The following UBAP2L variants were observed in gnomAD, a reference collection of about 807,000 sequenced individuals.
UBAP2L encodes ubiquitin-associated protein 2-like.
Under a neutral mutation model 130.6 loss-of-function variants are expected in UBAP2L, and 12 were observed. That is an observed-to-expected ratio of 0.09 (90% CI 0.06 to 0.15). UBAP2L has a LOEUF of 0.15. Among genes scored for constraint, UBAP2L ranks in the 10% least tolerant of loss-of-function variants. UBAP2L has a pLI of 1.00. For missense variants in UBAP2L, 965 were observed against 1,332.5 expected, an observed-to-expected ratio of 0.72 and a Z score of 4.29; for synonymous variants, 503 against 524.7, an observed-to-expected ratio of 0.96 and a Z score of 0.57.
chr1:154,271,238 A>G (rs1380287816), downstream of UBAP2L: 5 of 323,520 alleles, frequency 1.5e-5, no homozygotes, highest in South Asian at 8.3e-5. Flanking sequence ...AATGCTTTAT[A>G]GAGTTTTAAG....
Position 154,255,169 on chromosome 1 carries a change from G to T in UBAP2L, c.1927G>T (p.Val643Leu). Reference sequence around the variant, plus strand: ...ATTTCTAGGTGCTACAGGCTCTGCAGTGAAATCTGATTCACCTTCCACTTC... The same window carrying T: ...ATTTCTAGGTGCTACAGGCTCTGCATTGAAATCTGATTCACCTTCCACTTC... ...QSVEGATGSAVKSDSPSTSSI... is the reference protein window; with the variant it reads ...QSVEGATGSALKSDSPSTSSI... Residue 643 changes from valine (V) to leucine (L), a missense_variant, in exon 17 of 27, where the codon GTG (valine) becomes TTG (leucine). Coordinates refer to ENST00000428931, the MANE Select transcript of UBAP2L (RefSeq NM_014847.4). 1 of 1,614,060 alleles carries T rather than the reference G, an allele frequency of 6.2e-7. No individual in the cohort carries two copies. The highest frequency in any genetic ancestry group is 8.5e-7 in the Non-Finnish European group (1 of 1,179,954).
intron 1 of UBAP2L, among the ~76,000 whole-genome samples, chr1:154,223,008 C>T (rs534222560): frequency 1.3e-5 from 2 of 152,338 alleles, no homozygotes; most frequent in African/African-American, 4.8e-5. Flanking sequence ...GATTCTTCAT[C>T]TCCAGTGTGA....
chr1:154,241,517 A>G lies in UBAP2L; in HGVS notation c.708A>G (p.Ala236=), dbSNP rs1346113297. The G allele has an allele frequency of 1.2e-6, 2 of 1,614,008 alleles. No homozygotes were observed. Among genetic ancestry groups the G allele is most frequent in the African/African-American group, 1.3e-5 (1 of 75,000 alleles). Residue 236 remains alanine (A), a synonymous_variant, in exon 9 of 27, where the codon GCA becomes GCG. Transcript: ENST00000428931. ...GHFEPDDGTS[A]WRTATEEWGT... ...ACTATTTTTCTTTATTCTCAGGTGCATGGAGGACTGCAACAGAGGAGTGGG... is the reference window on the plus strand; with the variant it reads ...ACTATTTTTCTTTATTCTCAGGTGCGTGGAGGACTGCAACAGAGGAGTGGG...
At chr1:154,255,463 G>C in intron 17 of UBAP2L, 137 bp downstream of exon 17, 1 of 1,268,380 alleles carries the variant, frequency 7.9e-7, no homozygotes. Flanking sequence ...AGAACTGTGG[G>C]AAGTGAAGAC....
chr1:154,226,061 G>A (rs1667840578), intron 2 of UBAP2L, among the ~76,000 whole-genome samples: 1 of 152,196 alleles, frequency 6.6e-6, no homozygotes, highest in South Asian at 2.1e-4. Flanking sequence ...TGATCCACCT[G>A]CCTCGGCCTC....
rs1420133541 is a variant in UBAP2L, at chr1:154,237,089, G to A, written c.656G>A (p.Gly219Asp). The A allele has an allele frequency of 2.5e-6, 4 of 1,614,170 alleles. No homozygotes were observed. Among genetic ancestry groups the A allele is most frequent in the Non-Finnish European group, 2.5e-6 (3 of 1,180,018 alleles). Residue 219 changes from glycine to aspartate, a missense_variant, in exon 8 of 27, where the codon GGC (glycine) becomes GAC (aspartate). Physicochemically the swap from Gly to Asp is moderately conservative, Grantham distance 94. Transcript: ENST00000428931. ...GATGATAACTATGGCAATAGCAGCG[G>A]CAATACGTGGAACAACACTGGCCAC... is the stretch of plus-strand genomic sequence containing the variant. ...NTDDNYGNSSGNTWNNTGHFE... is the reference protein window; with the variant it reads ...NTDDNYGNSSDNTWNNTGHFE...
chr1:154,257,197 C>T lies in UBAP2L; in HGVS notation c.2292C>T (p.Leu764=). 6.2e-7 allele frequency: 1 copy of T among 1,614,236 alleles called. No homozygotes were observed. Among genetic ancestry groups the T allele is most frequent in the East Asian group, 2.2e-5 (1 of 44,890 alleles). The change falls in exon 19 of 27, where the codon CTC becomes CTT. Residue 764 remains leucine (L), a synonymous_variant. Coordinates refer to ENST00000428931, the MANE Select transcript of UBAP2L (RefSeq NM_014847.4). ...SSLNSGSSLG[L]SLGSNSTVTA... ...TCAATAGTGGCAGTAGCCTGGGCCTCAGCCTAGGCAGCAACTCCACTGTCA... is the reference window on the plus strand; with the variant it reads ...TCAATAGTGGCAGTAGCCTGGGCCTTAGCCTAGGCAGCAACTCCACTGTCA...
rs1399967161 is a variant in UBAP2L, at chr1:154,270,601, G to A, written c.*306G>A. Reference sequence around the variant, plus strand: ...CCTTTGCTTCCTCCTGTTCACCCTGGTGGTGTACGGATGAGGCGGGGAGGT... The same window carrying A: ...CCTTTGCTTCCTCCTGTTCACCCTGATGGTGTACGGATGAGGCGGGGAGGT... On this transcript the variant is annotated 3_prime_UTR_variant, in exon 27 of 27. Transcript: ENST00000428931. The A allele has an allele frequency of 7.1e-7, 1 of 1,416,322 alleles. No homozygotes were observed. The highest frequency in any genetic ancestry group is 9.2e-7 in the Non-Finnish European group (1 of 1,090,622). The allele number at this position is 1,416,322 out of a possible 1,614,324, so 87.7% of individuals were successfully genotyped here.
At position 154,247,278 on chromosome 1, in the gene UBAP2L, G is replaced by T. The variant is rs142022258; in HGVS notation, c.1014+903G>T. Among the ~76,000 whole-genome samples, 924 of 152,228 alleles carry T rather than the reference G, an allele frequency of 6.1e-3. 2 individuals carry two copies. Among genetic ancestry groups the T allele is most frequent in the Non-Finnish European group, 7.8e-3 (528 of 68,008 alleles). ...TAATTGTTGTCTTAAAATGTTTTTT[G>T]TGTGTGTTAAGTTAGTAATTTGGTG... is the stretch of plus-strand genomic sequence containing the variant. On this transcript the variant is annotated intron_variant, in intron 11 of 26. Coordinates refer to ENST00000428931, the MANE Select transcript of UBAP2L (RefSeq NM_014847.4).
At chr1:154,254,387 G>A (rs1184756440) in intron 15 of UBAP2L, among the ~76,000 whole-genome samples, 3 of 152,174 alleles carry the variant, frequency 2.0e-5, no homozygotes, top group Non-Finnish European at 2.9e-5. Flanking sequence ...TTCTGGGTGC[G>A]TGTCAGTAGA....
At chr1:154,237,310 C>T (rs1223799024) in intron 8 of UBAP2L, among the ~76,000 whole-genome samples, 174 bp downstream of exon 8, 1 of 152,172 alleles carries the variant, frequency 6.6e-6, no homozygotes, top group Non-Finnish European at 1.5e-5. Flanking sequence ...CATATGGGCA[C>T]ATTACACATG....
In UBAP2L at chr1:154,246,190, C is replaced by G; in HGVS notation, c.843-14C>G. The G allele has an allele frequency of 6.3e-7, 1 of 1,594,064 alleles. No individual in the cohort carries two copies. The highest frequency in any genetic ancestry group is 2.3e-5 in the East Asian group (1 of 44,418). ...CAGTCATTCTTCATGAAGATCCCTT[C>G]CCTTCCCCATTAGAATTGACCTTGC... On this transcript the variant is annotated splice_polypyrimidine_tract_variant and intron_variant, in intron 10 of 26. Coordinates refer to ENST00000428931, the MANE Select transcript of UBAP2L (RefSeq NM_014847.4).
intron 1 of UBAP2L, among the ~76,000 whole-genome samples, chr1:154,223,283 C>G (rs890259424): frequency 5.3e-5 from 8 of 152,086 alleles, no homozygotes; most frequent in African/African-American, 1.9e-4. Context: ...TAGTGTATAG[C>G]TAGTCATGCA....
chr1:154,234,908 C>A, intron 5 of UBAP2L, 149 bp downstream of exon 5: 1 of 1,071,608 alleles, frequency 9.3e-7, no homozygotes, highest in Non-Finnish European at 1.3e-6. Flanking sequence ...CTTGACATCT[C>A]TTGCATGTGG....
intron 26 of UBAP2L, 90 bp downstream of exon 26, chr1:154,269,044 C>A: frequency 6.9e-7 from 1 of 1,453,164 alleles, no homozygotes; most frequent in Non-Finnish European, 9.4e-7. Context: ...CCCTTCCTCA[C>A]CACCACCTTC....
rs751854018 is a variant in UBAP2L, at chr1:154,235,277, G to A, written c.530G>A (p.Arg177His). The A allele has an allele frequency of 3.9e-6, 3 of 778,082 alleles. No individual in the cohort carries two copies. Among genetic ancestry groups the A allele is most frequent in the Admixed American group, 1.7e-5 (1 of 58,232 alleles). The allele number at this position is 778,082 out of a possible 1,614,324, so 48.2% of individuals were successfully genotyped here. Residue 177 changes from arginine to histidine, a missense_variant, in exon 6 of 27, where the codon CGT becomes CAT. Coordinates refer to ENST00000428931, the MANE Select transcript of UBAP2L (RefSeq NM_014847.4). ...GRGTERGRRGRGRGRGGSGRR... is the reference protein window; with the variant it reads ...GRGTERGRRGHGRGRGGSGRR... Reference sequence around the variant, plus strand: ...GGAACAGAAAGAGGCAGAAGGGGCCGTGGCCGAGGCAGAGGTGATCAGTTT... The same window carrying A: ...GGAACAGAAAGAGGCAGAAGGGGCCATGGCCGAGGCAGAGGTGATCAGTTT...
intron 4 of UBAP2L, 125 bp from the exon 5 acceptor site, chr1:154,234,466 G>A (rs1670964827): frequency 5.5e-6 from 5 of 916,562 alleles, no homozygotes; most frequent in South Asian, 1.6e-5. Context: ...GCAAACTAAT[G>A]GAAGTGTTTT....
intron 10 of UBAP2L, among the ~76,000 whole-genome samples, chr1:154,245,691 G>A (rs766444629): frequency 8.5e-5 from 13 of 152,058 alleles, no homozygotes; most frequent in Admixed American, 7.9e-4. Context: ...CAAGGCGGGC[G>A]GATCATGAGG....
At chr1:154,266,327 G>T in intron 24 of UBAP2L, 174 bp from the exon 25 acceptor site, 1 of 693,434 alleles carries the variant, frequency 1.4e-6, no homozygotes, top group Non-Finnish European at 2.6e-6. Flanking sequence ...AGAACCCTTA[G>T]GGAGCTTTTG....
Sources: gnomAD v4.1 joint callset for allele counts (sites outside exome capture counted in the v4.1 genomes callset) on GRCh38, gnomAD v4.1.1 for gene constraint, MANE v1.5 for transcripts, NCBI Gene and HGNC (gene_info 2026-07-23, HGNC 2026-07-21) for gene names.